The following ATP11C variants were observed in gnomAD, a reference collection of about 807,000 sequenced individuals.
ATP11C encodes ATPase phospholipid transporting 11C (ATP11C blood group), also known as phospholipid-transporting ATPase IG.
Under a neutral mutation model 97.4 loss-of-function variants are expected in ATP11C, and 36 were observed. The observed-to-expected ratio is 0.37, with a 90% CI of 0.28 to 0.49. ATP11C has a LOEUF of 0.49. ATP11C is among the 20% of genes least tolerant of loss of function. The probability of loss-of-function intolerance (pLI) is 0.98; values close to 1 mark genes in which losing one functional copy is unlikely to be tolerated. For synonymous variants in ATP11C, 275 were observed against 290.9 expected, an observed-to-expected ratio of 0.95 and a Z score of 0.56; for missense variants, 730 against 824.6, an observed-to-expected ratio of 0.89 and a Z score of 1.40.
chrX:139,784,544 G>T (rs1170622951), intron 16 of ATP11C, among the ~76,000 whole-genome samples: 1 of 111,296 alleles, frequency 9.0e-6, no homozygotes, highest in African/African-American at 3.3e-5. Context: ...ACACGTATCT[G>T]AGAGCCTTCG....
At chrX:139,742,871 AAAAAAATATAT>A (rs1383504117) in intron 26 of ATP11C, among the ~76,000 whole-genome samples, 88 of 22,371 alleles carry the variant, frequency 3.9e-3, no homozygotes, top group African/African-American at 0.014. Flanking sequence ...AATTAAAAAA[AAAAAAATATAT>A]ATATATATAT....
At chrX:139,768,167 T>C in intron 20 of ATP11C, 93 bp downstream of exon 20, 1 of 686,134 alleles carries the variant, frequency 1.5e-6, no homozygotes, top group African/African-American at 2.3e-5. Context: ...TAATGGCCCT[T>C]TGAAGAAGAA....
intron 13 of ATP11C, among the ~76,000 whole-genome samples, chrX:139,788,742 G>A (rs1052871998): frequency 2.7e-5 from 3 of 111,995 alleles, no homozygotes; most frequent in Non-Finnish European, 5.6e-5. Context: ...CATCATTCTT[G>A]GAGGAGCTTA....
intron 1 of ATP11C, among the ~76,000 whole-genome samples, chrX:139,904,732 T>A (rs1395179349): frequency 9.0e-6 from 1 of 110,504 alleles, no homozygotes; most frequent in African/African-American, 3.3e-5. Context: ...CACTTGAACT[T>A]AGTTCTGAAG....
At chrX:139,738,147 G>A (rs1014751466) in intron 27 of ATP11C, 78 bp from the exon 28 acceptor site, 52 of 850,758 alleles carry the variant, frequency 6.1e-5, no homozygotes, top group African/African-American at 2.1e-4. Flanking sequence ...TTAAAATGTC[G>A]TTTGTATTTA....
intron 19 of ATP11C, 109 bp downstream of exon 19, chrX:139,774,581 C>T (rs2082313663): frequency 1.4e-6 from 1 of 702,916 alleles, no homozygotes; most frequent in Non-Finnish European, 2.0e-6. Context: ...GGATAAAACA[C>T]CTGCAAACAG....
Position 139,782,612 on chromosome X carries a change from C to T in ATP11C, c.1887G>A (p.Met629Ile). 2 of 1,205,899 alleles carry T rather than the reference C, an allele frequency of 1.7e-6. No individual in the cohort carries two copies. The highest frequency in any genetic ancestry group is 2.2e-6 in the Non-Finnish European group (2 of 891,758). Residue 629 changes from methionine (M) to isoleucine (I), a missense_variant, in exon 18 of 30, where the codon ATG (methionine) becomes ATA (isoleucine). Physicochemically the swap from Met to Ile is conservative, Grantham distance 10 (BLOSUM62 1). Transcript: ENST00000682941. ...KMALQDREEK[M>I]EKVFDDIETN... Reference sequence around the variant, plus strand: ...TCTCAATATCATCGAAAACTTTTTCCATTTTTTCTTCTCTGTCTTGTAAGG... The same window carrying T: ...TCTCAATATCATCGAAAACTTTTTCTATTTTTTCTTCTCTGTCTTGTAAGG...
intron 1 of ATP11C, among the ~76,000 whole-genome samples, chrX:139,873,815 TA>T (rs1333645755): frequency 2.0e-4 from 20 of 101,848 alleles, no homozygotes; most frequent in East Asian, 6.0e-4. Context: ...TCTGAAACAT[TA>T]AAAAAAAAAG....
intron 21 of ATP11C, among the ~76,000 whole-genome samples, chrX:139,762,358 C>T (rs1163337549): frequency 1.8e-5 from 2 of 111,721 alleles, no homozygotes; most frequent in Non-Finnish European, 1.9e-5. Flanking sequence ...TCAATCATTA[C>T]AAGGTAAAAA....
At position 139,774,743 on chromosome X, in the gene ATP11C, T is replaced by A; in HGVS notation, c.2163A>T (p.Glu721Asp). ...KEDRLHELLI[E>D]YRKKLLHEFP... ...ACTCATGCAGCAATTTCTTGCGATA[T>A]TCTATCAATAATTCATGTAATCGAT... is the stretch of plus-strand genomic sequence containing the variant. Residue 721 changes from glutamate to aspartate, a missense_variant, in exon 19 of 30, where the codon GAA (glutamate) becomes GAT (aspartate). By Grantham distance (45) the Glu-to-Asp change is conservative. Transcript: ENST00000682941. The A allele has an allele frequency of 8.3e-7, 1 of 1,210,637 alleles. No individual in the cohort carries two copies. Among genetic ancestry groups the A allele is most frequent in the Non-Finnish European group, 1.1e-6 (1 of 894,222 alleles).
At chrX:139,782,306 G>A (rs1290555827) in intron 18 of ATP11C, among the ~76,000 whole-genome samples, 10 of 104,744 alleles carry the variant, frequency 9.5e-5, no homozygotes, top group South Asian at 4.5e-4. Context: ...CAGCCTGGGC[G>A]ACAGAGCGAG....
chrX:139,838,953 A>T lies in ATP11C; in HGVS notation c.28-12130T>A, dbSNP rs2083787760. On this transcript the variant is annotated intron_variant, in intron 1 of 29. Transcript: ENST00000682941. ...ACAGAGCAAGATTCTGTCTCAAAAA[A>T]AAAAAAGGTGGAAACAACCCAAATG... 3.6e-5 allele frequency among the ~76,000 whole-genome samples: 4 copies of T among 111,645 alleles called. No homozygotes were observed. In the South Asian group the frequency reaches 1.1e-3, roughly 32 times the overall value.
chrX:139,896,891 T>C (rs2084818650), intron 1 of ATP11C, among the ~76,000 whole-genome samples: 1 of 110,745 alleles, frequency 9.0e-6, no homozygotes, highest in African/African-American at 3.3e-5. Flanking sequence ...TATTGGCTTA[T>C]TAATTATGGC....
chrX:139,921,431 T>A (rs1488945736), intron 1 of ATP11C, among the ~76,000 whole-genome samples: 1 of 111,504 alleles, frequency 9.0e-6, no homozygotes, highest in Non-Finnish European at 1.9e-5. Context: ...GCGTCCTAAT[T>A]GCCTTCTGCC....
intron 1 of ATP11C, among the ~76,000 whole-genome samples, chrX:139,907,912 G>A (rs1199559546): frequency 1.8e-5 from 2 of 110,622 alleles, no homozygotes; most frequent in Non-Finnish European, 3.8e-5. Flanking sequence ...AGAATGTAGA[G>A]ACAAAAAGGT....
At chrX:139,796,232 A>C in intron 12 of ATP11C, 41 bp downstream of exon 12, 1 of 1,004,418 alleles carries the variant, frequency 1.0e-6, no homozygotes, top group East Asian at 3.2e-5. Context: ...AGATATTTTC[A>C]CTACGTTGAC....
At chrX:139,830,674 AG>A (rs2083628475) in intron 1 of ATP11C, among the ~76,000 whole-genome samples, 1 of 112,081 alleles carries the variant, frequency 8.9e-6, no homozygotes, top group Admixed American at 9.5e-5. Flanking sequence ...AGCAAATAAA[AG>A]TATTTGCTCA....
At chrX:139,890,841 T>C (rs1168743951) in intron 1 of ATP11C, among the ~76,000 whole-genome samples, 2 of 110,860 alleles carry the variant, frequency 1.8e-5, no homozygotes, top group Admixed American at 9.7e-5. Context: ...CTTGTGATTT[T>C]TCCCCATATA....
At chrX:139,897,663 T>C (rs1385725756) in intron 1 of ATP11C, among the ~76,000 whole-genome samples, 1 of 97,852 alleles carries the variant, frequency 1.0e-5, no homozygotes, top group Non-Finnish European at 2.0e-5. Flanking sequence ...AGAGTAAGAC[T>C]CTGTCTCAAA....
Sources: gnomAD v4.1 joint callset for allele counts (sites outside exome capture counted in the v4.1 genomes callset) on GRCh38, gnomAD v4.1.1 for gene constraint, MANE v1.5 for transcripts, NCBI Gene and HGNC (gene_info 2026-07-23, HGNC 2026-07-21) for gene names.